Variants in CORO2B observed in about 807,000 individuals in gnomAD.
The protein encoded by CORO2B is coronin 2B, also known as coronin-2B.
CORO2B carries 26 observed loss-of-function variants against 58.8 expected under a neutral mutation model. That is an observed-to-expected ratio of 0.44 (90% CI 0.32 to 0.61). The LOEUF is 0.61. CORO2B is among the 20% of genes least tolerant of loss of function. The probability of loss-of-function intolerance (pLI) is 0.04; values close to 1 mark genes in which losing one functional copy is unlikely to be tolerated. For missense variants in CORO2B, 460 were observed against 645.1 expected (o/e 0.71, Z 3.11); for synonymous variants, 242 against 253.8 (o/e 0.95, Z 0.44).
chr15:68,619,265 G>T (rs1900449346), intron 1 of CORO2B, among the ~76,000 whole-genome samples: 1 of 152,172 alleles, frequency 6.6e-6, no homozygotes. Flanking sequence ...CCTTGCCTTA[G>T]ATCACCTACC....
chr15:68,713,913 T>C lies in CORO2B; in HGVS notation c.649-12T>C, dbSNP rs931234018. ...GGGACCCTGGCTCACCACCTCCCTC[T>C]GTTCCTACTAGGAGGCCAACTGCAA... On this transcript the variant is annotated splice_polypyrimidine_tract_variant and intron_variant, in intron 5 of 11. Transcript: ENST00000261861. 6 of 1,606,422 alleles carry C rather than the reference T, an allele frequency of 3.7e-6. No individual in the cohort carries two copies. In the African/African-American group the frequency reaches 8.0e-5, roughly 21 times the overall value.
At chr15:68,651,231 C>G (rs370497954) in intron 2 of CORO2B, among the ~76,000 whole-genome samples, 6 of 152,202 alleles carry the variant, frequency 3.9e-5, no homozygotes, top group African/African-American at 1.4e-4. Context: ...GCGCCGGCTT[C>G]CCCTGCCGCC....
intron 2 of CORO2B, among the ~76,000 whole-genome samples, chr15:68,650,200 C>T (rs1226276701): frequency 1.3e-5 from 2 of 152,000 alleles, no homozygotes; most frequent in Non-Finnish European, 2.9e-5. Context: ...GAAACCCCGT[C>T]TCTACTAAAA....
chr15:68,704,450 C>T (rs536826174), intron 3 of CORO2B, among the ~76,000 whole-genome samples: 3 of 152,084 alleles, frequency 2.0e-5, no homozygotes, highest in South Asian at 2.1e-4. Flanking sequence ...GACAGATGTT[C>T]GGAGAGGCTA....
intron 2 of CORO2B, among the ~76,000 whole-genome samples, chr15:68,692,632 CTTTTT>C (rs139335081): frequency 1.4e-5 from 2 of 139,210 alleles, no homozygotes; most frequent in South Asian, 4.7e-4. Flanking sequence ...AAAAACTTTC[CTTTTT>C]TTTTTGTTTT....
chr15:68,566,811 C>T, the CORO2B span, among the ~76,000 whole-genome samples: 1 of 152,210 alleles, frequency 6.6e-6, no homozygotes, highest in African/African-American at 2.4e-5. Flanking sequence ...CCAGGGATGG[C>T]CTCCCTTGGC....
intron 2 of CORO2B, among the ~76,000 whole-genome samples, chr15:68,648,257 C>T (rs1320804665): frequency 4.7e-5 from 7 of 150,020 alleles, no homozygotes; most frequent in Admixed American, 3.3e-4. Flanking sequence ...TGCTTGAACC[C>T]GGGAGGCAGA....
intron 3 of CORO2B, among the ~76,000 whole-genome samples, chr15:68,702,866 A>C (rs1362965383): frequency 8.7e-6 from 1 of 115,382 alleles, no homozygotes; most frequent in Non-Finnish European, 1.6e-5. Context: ...TCACTTTGGC[A>C]CCCAGGCTGG....
intron 1 of CORO2B, among the ~76,000 whole-genome samples, chr15:68,641,319 G>A (rs547535802): frequency 1.3e-5 from 2 of 152,290 alleles, no homozygotes; most frequent in East Asian, 3.9e-4. Context: ...TGGGCTGTGG[G>A]GGCAACAGGA....
At chr15:68,619,893 A>G (rs1216116394) in intron 1 of CORO2B, among the ~76,000 whole-genome samples, 1 of 151,982 alleles carries the variant, frequency 6.6e-6, no homozygotes, top group Non-Finnish European at 1.5e-5. Context: ...TTTATAGAAG[A>G]TGAAAGTGGA....
chr15:68,685,132 C>A (rs74474124), intron 2 of CORO2B, among the ~76,000 whole-genome samples: 6,213 of 152,294 alleles, frequency 0.041, 285 homozygotes, highest in African/African-American at 0.11. Flanking sequence ...ACATGCTCAT[C>A]ACCTAATGTG....
chr15:68,702,624 G>A (rs765419609), intron 3 of CORO2B, among the ~76,000 whole-genome samples: 19 of 151,988 alleles, frequency 1.3e-4, no homozygotes, highest in Non-Finnish European at 2.6e-4. Flanking sequence ...AGCTCCAGGA[G>A]CCTCCTGGCC....
rs879752669 is a variant in CORO2B at position 68,685,099 on chromosome 15, T to C, written c.217-10041T>C. 2.0e-3 allele frequency among the ~76,000 whole-genome samples: 309 copies of C among 152,328 alleles called. 1 individual carries two copies. Among genetic ancestry groups the C allele is most frequent in the Non-Finnish European group, 3.6e-3 (248 of 68,032 alleles). On this transcript the variant is annotated intron_variant, in intron 2 of 11. Transcript: ENST00000261861. ...CACCCATCTGCTGGGTTCAGCATGA[T>C]CCACTGCCCTCGGTACTCCTTTACA...
chr15:68,556,110 C>T, the CORO2B span, among the ~76,000 whole-genome samples: 2 of 152,188 alleles, frequency 1.3e-5, no homozygotes, highest in East Asian at 1.9e-4. Context: ...GGACGGGGAG[C>T]GGGCCAGGCA....
the CORO2B span, among the ~76,000 whole-genome samples, chr15:68,551,168 A>T: frequency 6.6e-6 from 1 of 152,004 alleles, no homozygotes; most frequent in African/African-American, 2.4e-5. Context: ...GTGGGCAGAC[A>T]GGGGTGCCGT....
chr15:68,619,886 A>G (rs371566259), intron 1 of CORO2B, among the ~76,000 whole-genome samples: 2 of 152,078 alleles, frequency 1.3e-5, no homozygotes, highest in South Asian at 4.2e-4. Flanking sequence ...CTCTCATTTT[A>G]TAGAAGATGA....
At chr15:68,597,517 G>A (rs917638502) in intron 1 of CORO2B, among the ~76,000 whole-genome samples, 6 of 151,930 alleles carry the variant, frequency 3.9e-5, no homozygotes, top group African/African-American at 1.2e-4. Flanking sequence ...GGGTTCTATT[G>A]CATCCCCATT....
intron 2 of CORO2B, among the ~76,000 whole-genome samples, chr15:68,650,008 G>A (rs1390344485): frequency 1.3e-5 from 2 of 152,216 alleles, no homozygotes; most frequent in East Asian, 3.8e-4. Flanking sequence ...CTGAGGACCA[G>A]CGATGCAAAG....
chr15:68,661,554 T>TA (rs565575302), intron 2 of CORO2B, among the ~76,000 whole-genome samples: 74 of 152,314 alleles, frequency 4.9e-4, no homozygotes, highest in African/African-American at 1.7e-3. Context: ...GCTTTACAGA[T>TA]AAGGGTAGTC....
Sources: allele counts gnomAD v4.1 joint callset (sites outside exome capture counted in the v4.1 genomes callset), GRCh38; gene constraint gnomAD v4.1.1; transcripts MANE v1.5; gene names NCBI Gene and HGNC (gene_info 2026-07-23, HGNC 2026-07-21).